Variants in KITLG observed in about 807,000 individuals in gnomAD.
KITLG encodes KIT ligand.
In KITLG, 13 loss-of-function variants were observed where a neutral mutation model predicts 34.1. The ratio of observed to expected loss-of-function variants is 0.38; its 90% CI spans 0.25 to 0.61. The LOEUF is 0.61. KITLG is among the 20% of genes least tolerant of loss of function. The probability of loss-of-function intolerance (pLI) is 0.60; values close to 1 mark genes in which losing one functional copy is unlikely to be tolerated. For missense variants in KITLG, 292 were observed against 318.9 expected, an observed-to-expected ratio of 0.92 and a Z score of 0.64; for synonymous variants, 110 against 104.0, an observed-to-expected ratio of 1.06 and a Z score of -0.35.
chr12:88,559,540 G>C (rs1054375610), intron 1 of KITLG, among the ~76,000 whole-genome samples: 4 of 152,046 alleles, frequency 2.6e-5, no homozygotes, highest in African/African-American at 9.7e-5. Context: ...TATACTCTTT[G>C]AAGTATATCC....
At position 88,494,416 on chromosome 12, in the gene KITLG, A is replaced by G. The variant is rs1290994693; in HGVS notation, c.*2803T>C. The G allele has an allele frequency of 6.6e-6, 1 of 152,352 alleles. No homozygotes were observed. The highest frequency in any genetic ancestry group is 1.9e-4 in the East Asian group (1 of 5,196). 9.4% of individuals were successfully genotyped at this position (152,352 alleles called of 1,614,324 possible). On this transcript the variant is annotated 3_prime_UTR_variant, in exon 10 of 10. Coordinates refer to ENST00000644744, the MANE Select transcript of KITLG (RefSeq NM_000899.5). ...TTTCTCCAAAGTACTTTAAAGCTCA[A>G]TGAAATGTATTTAATTCTTACTAAA...
intron 1 of KITLG, chr12:88,580,012 C>A (rs1285771062): frequency 2.5e-5 from 15 of 591,896 alleles, no homozygotes; most frequent in Non-Finnish European, 4.2e-5. Flanking sequence ...ACTGACAGCT[C>A]AAAACTTAAC....
intron 2 of KITLG, 70 bp from the exon 3 acceptor site, chr12:88,532,573 TGGAGA>T: frequency 9.6e-7 from 1 of 1,044,512 alleles, no homozygotes; most frequent in Non-Finnish European, 1.5e-6. Context: ...TGTAGTGCTT[TGGAGA>T]AAAGCACACA....
chr12:88,523,955 G>A (rs1227098709), intron 3 of KITLG, among the ~76,000 whole-genome samples: 2 of 152,164 alleles, frequency 1.3e-5, no homozygotes, highest in Non-Finnish European at 2.9e-5. Context: ...TTATTTCCCA[G>A]GGCAGACCTA....
At chr12:88,507,911 A>G (rs541256241) in intron 6 of KITLG, among the ~76,000 whole-genome samples, 1 of 152,102 alleles carries the variant, frequency 6.6e-6, no homozygotes, top group African/African-American at 2.4e-5. Flanking sequence ...TTTAGGTTGG[A>G]TGTGGTGGCT....
At chr12:88,540,099 C>T (rs183927878) in intron 2 of KITLG, among the ~76,000 whole-genome samples, 1 of 152,108 alleles carries the variant, frequency 6.6e-6, no homozygotes, top group East Asian at 1.9e-4. Flanking sequence ...TGATGACACA[C>T]CTTATGATGA....
chr12:88,535,584 G>A (rs544421486), intron 2 of KITLG, among the ~76,000 whole-genome samples: 26 of 152,234 alleles, frequency 1.7e-4, no homozygotes, highest in South Asian at 6.2e-4. Flanking sequence ...CCATTATTAC[G>A]TCCTTGGTTT....
At chr12:88,559,436 A>C (rs1349819441) in intron 1 of KITLG, among the ~76,000 whole-genome samples, 1 of 152,158 alleles carries the variant, frequency 6.6e-6, no homozygotes, top group African/African-American at 2.4e-5. Flanking sequence ...TAGTGGACTT[A>C]AGTTCTGAGT....
intron 1 of KITLG, among the ~76,000 whole-genome samples, chr12:88,551,167 C>G (rs972075872): frequency 6.6e-6 from 1 of 152,096 alleles, no homozygotes; most frequent in Non-Finnish European, 1.5e-5. Flanking sequence ...TTTGCATATA[C>G]TTTGCTACCA....
At chr12:88,498,245 T>G (rs930130903) in intron 9 of KITLG, among the ~76,000 whole-genome samples, 1 of 152,180 alleles carries the variant, frequency 6.6e-6, no homozygotes, top group African/African-American at 2.4e-5. Flanking sequence ...TCACTGTTTT[T>G]AAAGTATTGA....
chr12:88,507,315 T>C (rs1219360774), intron 6 of KITLG, among the ~76,000 whole-genome samples, 178 bp from the exon 7 acceptor site: 3 of 152,224 alleles, frequency 2.0e-5, no homozygotes, highest in Non-Finnish European at 4.4e-5. Context: ...TAAATCCATG[T>C]AGTCTCCAAA....
rs1868499091 is a variant in KITLG at position 88,493,768 on chromosome 12, G to T, written c.*3451C>A. 1 of 151,822 alleles carries T rather than the reference G, an allele frequency of 6.6e-6. No individual in the cohort carries two copies. The highest frequency in any genetic ancestry group is 1.5e-5 in the Non-Finnish European group (1 of 67,846). 9.4% of individuals were successfully genotyped at this position (151,822 alleles called of 1,614,324 possible). On this transcript the variant is annotated 3_prime_UTR_variant, in exon 10 of 10. Coordinates refer to ENST00000644744, the MANE Select transcript of KITLG (RefSeq NM_000899.5). ...TTCCAAATGTTACACACATCTTATA[G>T]TTTCTCATCCTGACTAATATGACTA...
intron 3 of KITLG, among the ~76,000 whole-genome samples, chr12:88,520,577 TC>T (rs2120847245): frequency 6.6e-6 from 1 of 152,332 alleles, no homozygotes; most frequent in African/African-American, 2.4e-5. Flanking sequence ...GCCTAGGATC[TC>T]TGGCAAGTAA....
chr12:88,506,474 A>G lies in KITLG; in HGVS notation c.715-96T>C, dbSNP rs531976303. 104 of 846,412 alleles carry G rather than the reference A, an allele frequency of 1.2e-4. No individual in the cohort carries two copies. The African/African-American group carries it at 1.6e-3, about 13-fold the overall frequency. 52.4% of individuals were successfully genotyped at this position (846,412 alleles called of 1,614,324 possible). On this transcript the variant is annotated intron_variant, in intron 7 of 9. Transcript: ENST00000644744. The stretch of plus-strand genomic sequence containing the variant: ...CTCCACTTTTATCTTTTATGGCAAT[A>G]ACTCCAATAACAGTTTTTTCAGCAT...
At chr12:88,544,614 A>C (rs2120909436) in intron 2 of KITLG, among the ~76,000 whole-genome samples, 1 of 152,206 alleles carries the variant, frequency 6.6e-6, no homozygotes, top group African/African-American at 2.4e-5. Context: ...AGTTCCCTCA[A>C]GTAAGACATA....
intron 1 of KITLG, among the ~76,000 whole-genome samples, chr12:88,571,599 G>T (rs914813926): frequency 6.6e-6 from 1 of 152,094 alleles, no homozygotes. Context: ...TAGAAAAAAG[G>T]CTTATAAAAA....
chr12:88,566,246 A>C (rs1422369808), intron 1 of KITLG, among the ~76,000 whole-genome samples: 2 of 152,148 alleles, frequency 1.3e-5, no homozygotes, highest in African/African-American at 2.4e-5. Context: ...CAAAATTGTC[A>C]AATGTCTGGA....
chr12:88,559,149 C>A (rs1249262130), intron 1 of KITLG, among the ~76,000 whole-genome samples: 1 of 152,192 alleles, frequency 6.6e-6, no homozygotes, highest in Non-Finnish European at 1.5e-5. Context: ...AATTGCCATT[C>A]CAATATTCTC....
chr12:88,530,555 G>A (rs1193355454), intron 3 of KITLG, among the ~76,000 whole-genome samples: 1 of 152,118 alleles, frequency 6.6e-6, no homozygotes, highest in Non-Finnish European at 1.5e-5. Context: ...CCTAATTGGT[G>A]TGTGTTTGTT....
Sources: allele counts gnomAD v4.1 joint callset (sites outside exome capture counted in the v4.1 genomes callset), GRCh38; gene constraint gnomAD v4.1.1; transcripts MANE v1.5; gene names NCBI Gene and HGNC (gene_info 2026-07-23, HGNC 2026-07-21).